Variants in COLEC10 observed in about 807,000 individuals in gnomAD.
COLEC10 encodes collectin subfamily member 10.
COLEC10 carries 22 observed loss-of-function variants against 28.4 expected under a neutral mutation model. That is an observed-to-expected ratio of 0.78 (90% CI 0.55 to 1.11). The LOEUF is 1.11. Ranked by LOEUF, COLEC10 falls within the 50% of genes least tolerant of loss-of-function variation. The pLI is 0.00. For missense variants in COLEC10, 361 were observed against 344.1 expected, an observed-to-expected ratio of 1.05 and a Z score of -0.39; for synonymous variants, 125 against 116.1, an observed-to-expected ratio of 1.08 and a Z score of -0.49.
upstream of COLEC10, among the ~76,000 whole-genome samples, chr8:118,993,829 T>C (rs559124464): frequency 6.6e-6 from 1 of 152,314 alleles, no homozygotes; most frequent in African/African-American, 2.4e-5. Flanking sequence ...CTTCAACATA[T>C]GAATTTTGGG....
At chr8:119,096,295 A>G (rs941016532) in intron 3 of COLEC10, among the ~76,000 whole-genome samples, 5 of 152,224 alleles carry the variant, frequency 3.3e-5, no homozygotes, top group African/African-American at 9.7e-5. Flanking sequence ...AAGTCTATCA[A>G]AATAAAGAAC....
chr8:118,994,205 C>G (rs1813553658), upstream of COLEC10, among the ~76,000 whole-genome samples: 1 of 152,102 alleles, frequency 6.6e-6, no homozygotes, highest in African/African-American at 2.4e-5. Flanking sequence ...ATGCCTTGAC[C>G]AAGCCCCTAT....
At chr8:119,073,370 G>T (rs1001134674) in intron 1 of COLEC10, among the ~76,000 whole-genome samples, 3 of 146,802 alleles carry the variant, frequency 2.0e-5, no homozygotes, top group African/African-American at 7.4e-5. Flanking sequence ...ACATGACACA[G>T]AACTATTCTA....
At chr8:119,101,794 T>G (rs1016669965) in intron 3 of COLEC10, among the ~76,000 whole-genome samples, 5 of 152,104 alleles carry the variant, frequency 3.3e-5, no homozygotes, top group South Asian at 2.1e-4. Flanking sequence ...AATACATGTG[T>G]TTTTTTGTTT....
At chr8:119,013,081 A>G (rs1433036851) in intron 2 of COLEC10, among the ~76,000 whole-genome samples, 1 of 149,934 alleles carries the variant, frequency 6.7e-6, no homozygotes, top group East Asian at 1.9e-4. Context: ...CTTCTTTTCT[A>G]TTAAGTGCAT....
At chr8:119,084,032 C>G (rs72682428) in intron 1 of COLEC10, among the ~76,000 whole-genome samples, 10,388 of 152,160 alleles carry the variant, frequency 0.068, 468 homozygotes, top group Middle Eastern at 0.18. Context: ...AGTCTTCATT[C>G]AAAATCCATG....
chr8:119,056,496 G>A (rs568176300), intron 2 of COLEC10, among the ~76,000 whole-genome samples: 16 of 152,138 alleles, frequency 1.1e-4, no homozygotes, highest in Admixed American at 9.2e-4. Flanking sequence ...AATTGTAGCA[G>A]CCCTTTTGTG....
At chr8:119,100,341 G>A (rs976992457) in intron 3 of COLEC10, among the ~76,000 whole-genome samples, 11 of 152,148 alleles carry the variant, frequency 7.2e-5, no homozygotes, top group Non-Finnish European at 1.3e-4. Flanking sequence ...CTTAGTTCAT[G>A]AGATTTAATG....
chr8:119,018,683 G>C (rs78727228), intron 2 of COLEC10, among the ~76,000 whole-genome samples: 6,698 of 152,110 alleles, frequency 0.044, 219 homozygotes, highest in East Asian at 0.16. Context: ...TTTAATTTAT[G>C]GAATTACCTG....
intron 3 of COLEC10, among the ~76,000 whole-genome samples, chr8:119,097,374 G>T (rs1279580934): frequency 6.6e-6 from 1 of 151,636 alleles, no homozygotes; most frequent in Middle Eastern, 3.2e-3. Context: ...AGAAATTTGT[G>T]GACAGATAAA....
chr8:119,066,805 C>A (rs1356383078), upstream of COLEC10, among the ~76,000 whole-genome samples: 1 of 152,154 alleles, frequency 6.6e-6, no homozygotes, highest in Non-Finnish European at 1.5e-5. Context: ...GCATTGGAAG[C>A]ATTAGTGTTC....
At chr8:119,074,289 T>C (rs904627546) in intron 1 of COLEC10, among the ~76,000 whole-genome samples, 21 of 151,802 alleles carry the variant, frequency 1.4e-4, no homozygotes, top group Admixed American at 1.4e-3. Context: ...ACTAAAAGAG[T>C]ATAATTACAT....
chr8:119,052,324 A>G (rs1355680437), intron 2 of COLEC10, among the ~76,000 whole-genome samples: 5 of 152,132 alleles, frequency 3.3e-5, no homozygotes, highest in East Asian at 1.9e-4. Context: ...CTTTGCATAT[A>G]CTGACCTCTC....
the COLEC10 span, among the ~76,000 whole-genome samples, chr8:118,959,696 G>A: frequency 6.6e-6 from 1 of 152,162 alleles, no homozygotes; most frequent in Non-Finnish European, 1.5e-5. Flanking sequence ...CTACCTACAT[G>A]AAACTATAAA....
chr8:118,998,414 C>A (rs1258875195), intron 1 of COLEC10, among the ~76,000 whole-genome samples: 1 of 152,052 alleles, frequency 6.6e-6, no homozygotes, highest in Non-Finnish European at 1.5e-5. Flanking sequence ...TATGGTAGAG[C>A]CATGAAACCA....
intron 1 of COLEC10, among the ~76,000 whole-genome samples, chr8:119,084,959 A>G (rs562603813): frequency 2.0e-5 from 3 of 152,348 alleles, no homozygotes; most frequent in African/African-American, 7.2e-5. Context: ...ATCTACTTCT[A>G]TTCTCATTAA....
At chr8:119,050,062 C>T (rs545516661) in intron 2 of COLEC10, among the ~76,000 whole-genome samples, 1 of 152,290 alleles carries the variant, frequency 6.6e-6, no homozygotes, top group African/African-American at 2.4e-5. Context: ...TTCAAAGCAA[C>T]TCTTTCCTGG....
chr8:119,103,692 T>C (rs187624889), intron 4 of COLEC10, 108 bp from the exon 5 acceptor site: 2 of 693,084 alleles, frequency 2.9e-6, no homozygotes, highest in Admixed American at 2.3e-5. Flanking sequence ...CACAGATATA[T>C]AGAACCAGAC....
At chr8:119,084,047 C>T (rs1163758643) in intron 1 of COLEC10, among the ~76,000 whole-genome samples, 2 of 152,164 alleles carry the variant, frequency 1.3e-5, no homozygotes, top group Admixed American at 6.5e-5. Flanking sequence ...TCCATGCTTG[C>T]TTGCTTTTTA....
Sources: gnomAD v4.1 joint callset for allele counts (sites outside exome capture counted in the v4.1 genomes callset) on GRCh38, gnomAD v4.1.1 for gene constraint, MANE v1.5 for transcripts, NCBI Gene and HGNC (gene_info 2026-07-23, HGNC 2026-07-21) for gene names.